NBPF12: variants seen among roughly 807,000 people sequenced by gnomAD.
The protein encoded by NBPF12 is NBPF member 12, also known as NBPF family member NBPF12.
In NBPF12, 115 loss-of-function variants were observed where a neutral mutation model predicts 146.4. The ratio of observed to expected loss-of-function variants is 0.79; its 90% CI spans 0.68 to 0.92. The LOEUF (loss-of-function observed/expected upper bound fraction) is 0.92, where lower values mean the gene tolerates loss of function less well. NBPF12 is among the 40% of genes least tolerant of loss of function. The probability of loss-of-function intolerance (pLI) is 0.00; values close to 1 mark genes in which losing one functional copy is unlikely to be tolerated. For missense variants in NBPF12, 1,205 were observed against 1,326.8 expected, an observed-to-expected ratio of 0.91 and a Z score of 1.43; for synonymous variants, 385 against 508.9, an observed-to-expected ratio of 0.76 and a Z score of 3.28.
chr1:146,982,998 A>G, exon 20 of NBPF12: 2 of 1,609,440 alleles, frequency 1.2e-6, no homozygotes, highest in Non-Finnish European at 1.7e-6. Context: ...GACTCTCTCA[A>G]TTCCTCCTGA....
At chr1:146,949,053 A>G (rs1655206179), upstream of NBPF12, among the ~76,000 whole-genome samples, 1 of 151,824 alleles carries the variant, frequency 6.6e-6, no homozygotes, top group Non-Finnish European at 1.5e-5. Context: ...CTCCACTATT[A>G]TCCTATTGTC....
intron 6 of NBPF12, among the ~76,000 whole-genome samples, chr1:146,963,661 G>A (rs1192722320): frequency 1.3e-5 from 2 of 152,046 alleles, no homozygotes; most frequent in East Asian, 3.9e-4. Context: ...TTTTGGCAAT[G>A]TTCTTAGTGT....
At chr1:146,964,704 C>T (rs1656080134) in intron 7 of NBPF12, among the ~76,000 whole-genome samples, 189 bp from the exon 11 acceptor site, 1 of 151,976 alleles carries the variant, frequency 6.6e-6, no homozygotes, top group South Asian at 2.1e-4. Flanking sequence ...CTCTTCCTCT[C>T]TGGCTCCCAT....
chr1:146,994,699 C>G (rs1658433877), exon 34 of NBPF12: 5 of 1,472,110 alleles, frequency 3.4e-6, no homozygotes, highest in African/African-American at 1.4e-5. Flanking sequence ...GGGCATGGCT[C>G]TATTCCTATT....
intron 4 of NBPF12, among the ~76,000 whole-genome samples, chr1:146,961,070 C>G (rs1338988399): frequency 1.3e-5 from 2 of 152,058 alleles, no homozygotes; most frequent in Non-Finnish European, 2.9e-5. Context: ...CCTTTGAACC[C>G]AGCAGGCAGG....
intron 1 of NBPF12, among the ~76,000 whole-genome samples, chr1:146,940,988 C>T (rs1439644788): frequency 2.4e-4 from 36 of 152,100 alleles, no homozygotes; most frequent in African/African-American, 8.7e-4. Flanking sequence ...GGATATGCAT[C>T]CTTTCTAGGA....
intron 9 of NBPF12, among the ~76,000 whole-genome samples, 187 bp downstream of exon 12, chr1:146,966,860 A>G (rs1285465422): frequency 6.8e-6 from 1 of 146,444 alleles, no homozygotes; most frequent in Non-Finnish European, 1.5e-5. Flanking sequence ...GCAACTTTCC[A>G]TGTTTGCAAT....
At chr1:146,939,381 G>T (rs1378637530) in intron 1 of NBPF12, among the ~76,000 whole-genome samples, 14 of 152,018 alleles carry the variant, frequency 9.2e-5, no homozygotes, top group Non-Finnish European at 1.8e-4. Flanking sequence ...TGCAAAGTTG[G>T]GGTCTTTATT....
chr1:146,939,514 G>A (rs1411342762), intron 1 of NBPF12, among the ~76,000 whole-genome samples: 3 of 151,910 alleles, frequency 2.0e-5, no homozygotes, highest in Admixed American at 2.0e-4. Flanking sequence ...ATGACTAGCG[G>A]GGCAAGCCTC....
intron 11 of NBPF12, 110 bp downstream of exon 14, chr1:146,969,706 C>T (rs1656453086): frequency 1.3e-6 from 2 of 1,564,764 alleles, no homozygotes; most frequent in African/African-American, 1.4e-5. Flanking sequence ...TTCTACTACA[C>T]ATGTGTGGCC....
chr1:146,942,246 C>T (rs2101806132), intron 1 of NBPF12, among the ~76,000 whole-genome samples: 1 of 151,654 alleles, frequency 6.6e-6, no homozygotes, highest in Admixed American at 6.6e-5. Flanking sequence ...ACCTTGGCAT[C>T]CCAAAGTGTT....
At chr1:146,938,602 C>G (rs1359810305), upstream of NBPF12, 3 of 151,354 alleles carry the variant, frequency 2.0e-5, no homozygotes, top group Non-Finnish European at 2.9e-5. Flanking sequence ...GCAGCCGGGT[C>G]CCTTTAAGGC....
chr1:146,984,735 T>G, intron 21 of NBPF12, 78 bp from the exon 25 acceptor site: 11 of 823,538 alleles, frequency 1.3e-5, no homozygotes, highest in Admixed American at 6.9e-5. Context: ...CTTCCTTATG[T>G]TAGCCATGAA....
Position 146,994,543 on chromosome 1 carries a change from G to T in NBPF12, c.4342G>T (p.Val1448Phe), listed in dbSNP as rs782075731. The stretch of plus-strand genomic sequence containing the variant: ...TTTGACGGTGACAAGTCTCCACCTG[G>T]TCTTCCAGATGGGAGTCATATTCCC... Residue 1448 changes from valine (V) to phenylalanine (F), a missense_variant, in exon 34 of 34, where the codon GTC becomes TTC. Physicochemically the swap from Val to Phe is conservative, Grantham distance 50 (BLOSUM62 -1). Coordinates refer to ENST00000617844, the Ensembl canonical transcript of NBPF12. 1.1e-5 allele frequency: 17 copies of T among 1,609,538 alleles called. No individual in the cohort carries two copies. The African/African-American group carries it at 1.2e-4, about 12-fold the overall frequency.
At chr1:146,972,250 CT>C (rs1466098110) in intron 13 of NBPF12, among the ~76,000 whole-genome samples, 1 of 150,918 alleles carries the variant, frequency 6.6e-6, no homozygotes, top group African/African-American at 2.5e-5. Flanking sequence ...CAAAAATTAG[CT>C]GTCATGTTAC....
At chr1:146,983,472 A>AG in intron 20 of NBPF12, 3 of 376,192 alleles carry the variant, frequency 8.0e-6, no homozygotes, top group Non-Finnish European at 1.3e-5. Flanking sequence ...TTGTTCCCAA[A>AG]GCATGTCTGT....
At chr1:146,947,220 T>C (rs1432161978), upstream of NBPF12, among the ~76,000 whole-genome samples, 1 of 151,746 alleles carries the variant, frequency 6.6e-6, no homozygotes, top group Non-Finnish European at 1.5e-5. Context: ...TTCAAGGAGT[T>C]TTTAATGTTC....
chr1:146,939,163 C>T (rs1256601135), intron 1 of NBPF12, among the ~76,000 whole-genome samples, 151 bp downstream of exon 1: 3 of 152,008 alleles, frequency 2.0e-5, no homozygotes, highest in African/African-American at 4.8e-5. Flanking sequence ...CTTGATTCCT[C>T]GCCTGCCGCT....
chr1:146,992,434 T>TTCTCTCTCTCTCTCTCTC (rs139645973), intron 31 of NBPF12, among the ~76,000 whole-genome samples: 1 of 81,540 alleles, frequency 1.2e-5, no homozygotes, highest in South Asian at 4.3e-4. Context: ...ACTGAGCTCG[T>TTCTCTCTCTCTCTCTCTC]TCTCTCTCTC....
Sources: allele counts gnomAD v4.1 joint callset (sites outside exome capture counted in the v4.1 genomes callset), GRCh38; gene constraint gnomAD v4.1.1; transcripts MANE v1.5; gene names NCBI Gene and HGNC (gene_info 2026-07-23, HGNC 2026-07-21).